The following TSPAN3 variants were observed in gnomAD, a reference collection of about 807,000 sequenced individuals.
TSPAN3 encodes the protein tetraspanin-3.
Under a neutral mutation model 31.1 loss-of-function variants are expected in TSPAN3, and 9 were observed. The observed-to-expected ratio is 0.29, with a 90% CI of 0.17 to 0.50. TSPAN3 has a LOEUF of 0.50. Among genes scored for constraint, TSPAN3 ranks in the 20% least tolerant of loss-of-function variants. TSPAN3 has a pLI of 0.98. For synonymous variants in TSPAN3, 129 were observed against 114.3 expected (o/e 1.13, Z -0.82); for missense variants, 252 against 313.5 (o/e 0.80, Z 1.48).
At position 77,042,135 on chromosome 15, in the gene TSPAN3, A is replaced by G. The variant is rs923744565; in HGVS notation, c.*4700T>C. 1 of 152,266 alleles carries G rather than the reference A, an allele frequency of 6.6e-6. No individual in the cohort carries two copies. Among genetic ancestry groups the G allele is most frequent in the African/African-American group, 2.4e-5 (1 of 41,466 alleles). The allele number at this position is 152,266 out of a possible 1,614,324, so 9.4% of individuals were successfully genotyped here. ...CTTGTAGGATAAAATTCCTATTAGC[A>G]AAAAGCAAAAACCAAAACCCAATAC... On this transcript the variant is annotated 3_prime_UTR_variant, in exon 7 of 7. Transcript: ENST00000267970.
intron 1 of TSPAN3, among the ~76,000 whole-genome samples, chr15:77,069,490 G>C (rs1198330661): frequency 1.3e-5 from 2 of 152,164 alleles, no homozygotes. Context: ...TCAAATTAAA[G>C]TATAAGAAAC....
chr15:77,052,912 A>G lies in TSPAN3; in HGVS notation c.450T>C (p.Ile150=), dbSNP rs773743270. ...TATTTTCCCAGTCTGAGTAGTTGTG[A>G]ATTCCACAACAATGCAGCTAAAGGA... ...YVQRQLHCCG[I]HNYSDWENTD... Residue 150 remains isoleucine (I), a synonymous_variant, in exon 5 of 7, where the codon ATT becomes ATC. Transcript: ENST00000267970. 4.3e-6 allele frequency: 7 copies of G among 1,613,696 alleles called. No individual in the cohort carries two copies. In the East Asian group the frequency reaches 1.3e-4, roughly 31 times the overall value.
chr15:77,059,208 G>C (rs895714452), intron 1 of TSPAN3, among the ~76,000 whole-genome samples: 1 of 151,740 alleles, frequency 6.6e-6, no homozygotes, highest in African/African-American at 2.4e-5. Flanking sequence ...TCAGCCTCCC[G>C]AGTAGCTGGG....
intron 1 of TSPAN3, among the ~76,000 whole-genome samples, chr15:77,058,560 T>C (rs2076782046): frequency 6.6e-6 from 1 of 152,234 alleles, no homozygotes; most frequent in African/African-American, 2.4e-5. Flanking sequence ...ACAGAATATT[T>C]ATCGAAACGG....
At chr15:77,069,208 T>C (rs1423630473) in intron 1 of TSPAN3, among the ~76,000 whole-genome samples, 3 of 152,230 alleles carry the variant, frequency 2.0e-5, no homozygotes, top group African/African-American at 4.8e-5. Flanking sequence ...CGAGATGCTA[T>C]GAGAATTAAT....
At chr15:77,056,313 A>C (rs1475105487) in intron 1 of TSPAN3, 58 bp from the exon 2 acceptor site, 2 of 1,342,852 alleles carry the variant, frequency 1.5e-6, no homozygotes, top group Non-Finnish European at 2.0e-6. Context: ...ATTTCCTATT[A>C]TTGCTTAGTA....
chr15:77,064,074 T>C (rs1443556548), intron 1 of TSPAN3: 2 of 152,240 alleles, frequency 1.3e-5, no homozygotes, highest in African/African-American at 4.8e-5. Context: ...AGAACCCCTT[T>C]AGTAGATTAC....
At chr15:77,059,874 A>G (rs1481490678) in intron 1 of TSPAN3, among the ~76,000 whole-genome samples, 1 of 152,202 alleles carries the variant, frequency 6.6e-6, no homozygotes, top group Non-Finnish European at 1.5e-5. Context: ...GGTTCCTATG[A>G]GACTCACACT....
At chr15:77,066,368 G>A (rs1156635942) in intron 1 of TSPAN3, among the ~76,000 whole-genome samples, 1 of 151,908 alleles carries the variant, frequency 6.6e-6, no homozygotes, top group South Asian at 2.1e-4. Context: ...TCAGGAGTTC[G>A]AGACCAGCCT....
chr15:77,062,065 GA>G (rs1356172759), intron 1 of TSPAN3, among the ~76,000 whole-genome samples: 1 of 152,058 alleles, frequency 6.6e-6, no homozygotes, highest in East Asian at 1.9e-4. Flanking sequence ...AAAGCAGAGG[GA>G]AAAAATAGGC....
chr15:77,060,815 G>A (rs2076796082), intron 1 of TSPAN3, among the ~76,000 whole-genome samples: 1 of 152,108 alleles, frequency 6.6e-6, no homozygotes, highest in Non-Finnish European at 1.5e-5. Flanking sequence ...GAGGATTTGT[G>A]CCAGGACAGT....
chr15:77,056,291 C>T, intron 1 of TSPAN3, 36 bp from the exon 2 acceptor site: 2 of 1,509,648 alleles, frequency 1.3e-6, no homozygotes, highest in Non-Finnish European at 1.8e-6. Context: ...TCTCTAAGCA[C>T]TGCTGGTAAA....
At chr15:77,058,043 C>T (rs1215632394) in intron 1 of TSPAN3, among the ~76,000 whole-genome samples, 2 of 152,180 alleles carry the variant, frequency 1.3e-5, no homozygotes, top group African/African-American at 4.8e-5. Context: ...AATCACAAAA[C>T]TTCAACTTTA....
intron 1 of TSPAN3, among the ~76,000 whole-genome samples, chr15:77,060,332 A>G (rs140543510): frequency 6.1e-4 from 93 of 152,362 alleles, no homozygotes; most frequent in African/African-American, 2.2e-3. Flanking sequence ...TATGGTGCTT[A>G]TATCTTAAGC....
At chr15:77,065,705 CTGA>C (rs1384952601) in intron 1 of TSPAN3, among the ~76,000 whole-genome samples, 1 of 152,178 alleles carries the variant, frequency 6.6e-6, no homozygotes, top group Non-Finnish European at 1.5e-5. Flanking sequence ...CCGCACCTGG[CTGA>C]TAAGTTTTAT....
At chr15:77,057,132 C>A (rs1172498542) in intron 1 of TSPAN3, among the ~76,000 whole-genome samples, 1 of 152,198 alleles carries the variant, frequency 6.6e-6, no homozygotes, top group Non-Finnish European at 1.5e-5. Flanking sequence ...TTACTTTCTC[C>A]GCTATTGTCA....
At chr15:77,048,381 C>T (rs1409350741) in intron 6 of TSPAN3, among the ~76,000 whole-genome samples, 2 of 151,886 alleles carry the variant, frequency 1.3e-5, no homozygotes, top group Non-Finnish European at 2.9e-5. Flanking sequence ...ACCCCCACCT[C>T]CCCACACTCC....
At chr15:77,067,018 C>A in intron 1 of TSPAN3, among the ~76,000 whole-genome samples, 1 of 151,978 alleles carries the variant, frequency 6.6e-6, no homozygotes. Flanking sequence ...CTTATAAAGC[C>A]ACCAGTCCCA....
intron 1 of TSPAN3, chr15:77,067,939 G>GT (rs2076843126): frequency 6.6e-6 from 1 of 152,142 alleles, no homozygotes; most frequent in Admixed American, 6.5e-5. Flanking sequence ...AACGCAGGCT[G>GT]TATCACACCT....
Sources: allele counts gnomAD v4.1 joint callset (sites outside exome capture counted in the v4.1 genomes callset), GRCh38; gene constraint gnomAD v4.1.1; transcripts MANE v1.5; gene names NCBI Gene and HGNC (gene_info 2026-07-23, HGNC 2026-07-21).